The following PHF2 variants were observed in gnomAD, a reference collection of about 807,000 sequenced individuals.
PHF2 encodes lysine-specific demethylase PHF2.
In PHF2, 27 loss-of-function variants were observed where a neutral mutation model predicts 120.5. That is an observed-to-expected ratio of 0.22 (90% CI 0.17 to 0.31). The LOEUF is 0.31. PHF2 is among the 10% of genes least tolerant of loss of function. The pLI is 1.00. For missense variants in PHF2, 1,024 were observed against 1,434.8 expected (o/e 0.71, Z 4.63); for synonymous variants, 568 against 592.5 (o/e 0.96, Z 0.60).
intron 1 of PHF2, among the ~76,000 whole-genome samples, chr9:93,615,102 A>G (rs1350074621): frequency 1.4e-5 from 2 of 141,104 alleles, no homozygotes; most frequent in African/African-American, 5.4e-5. Context: ...TGATGGTAAT[A>G]AAGATGGTGA....
At chr9:93,634,865 G>A (rs560034864) in intron 2 of PHF2, among the ~76,000 whole-genome samples, 9 of 152,278 alleles carry the variant, frequency 5.9e-5, no homozygotes, top group African/African-American at 1.7e-4. Context: ...AGCACCTACC[G>A]CACCAGGTGG....
chr9:93,674,529 C>T (rs1335809939), intron 18 of PHF2, among the ~76,000 whole-genome samples: 1 of 152,190 alleles, frequency 6.6e-6, no homozygotes, highest in East Asian at 1.9e-4. Flanking sequence ...TCCCATCCTT[C>T]CCTGGTTCCC....
chr9:93,603,195 A>C (rs1312214267), intron 1 of PHF2, among the ~76,000 whole-genome samples: 1 of 152,078 alleles, frequency 6.6e-6, no homozygotes, highest in Non-Finnish European at 1.5e-5. Flanking sequence ...TGTGGACAGG[A>C]GGAACAAAGG....
rs1195976416 is a variant in PHF2, at chr9:93,615,196, A to G, written c.99-14774A>G. ...GATAGTAATGGTGATGGCGATGGTG[A>G]TGATGATGGTGATGGTGATGGTGAT... is the stretch of plus-strand genomic sequence containing the variant. On this transcript the variant is annotated intron_variant, in intron 1 of 21. Transcript: ENST00000359246. Among the ~76,000 whole-genome samples the G allele has an allele frequency of 1.8e-3, 254 of 138,804 alleles. 6 individuals are homozygous for G. The South Asian group carries it at 0.025, about 14-fold the overall frequency. The allele number at this position is 138,804 out of a possible 152,430, so 91.1% of individuals were successfully genotyped here.
rs148663364 is a variant in PHF2 at position 93,675,747 on chromosome 9, C to T, written c.2790C>T (p.Ile930=). The T allele has an allele frequency of 2.7e-5, 44 of 1,612,676 alleles. No individual in the cohort carries two copies. The highest frequency in any genetic ancestry group is 2.1e-4 in the African/African-American group (16 of 74,902). Residue 930 remains isoleucine, a synonymous_variant, in exon 20 of 22, where the codon ATC becomes ATT. Transcript: ENST00000359246. Reference sequence around the variant, plus strand: ...GTGAGGGTACACGGGTGGCTTCCATCGAGACCGGGCTGGCGGCTGCTGCAG... The same window carrying T: ...GTGAGGGTACACGGGTGGCTTCCATTGAGACCGGGCTGGCGGCTGCTGCAG... ...PVREGTRVAS[I]ETGLAAAAAK... is the part of the protein sequence containing the mutation.
intron 15 of PHF2, 36 bp from the exon 16 acceptor site, chr9:93,665,954 G>C (rs746001192): frequency 6.2e-7 from 1 of 1,612,502 alleles, no homozygotes; most frequent in Non-Finnish European, 8.5e-7. Context: ...CTCCCCGCAA[G>C]GCCTCCCGCT....
chr9:93,604,058 C>G (rs112136670), intron 1 of PHF2, among the ~76,000 whole-genome samples: 1,546 of 152,284 alleles, frequency 0.01, 35 homozygotes, highest in African/African-American at 0.036. Flanking sequence ...CTGAGTTGGG[C>G]AGAGTCCCAG....
chr9:93,604,626 G>A (rs1825506514), intron 1 of PHF2, among the ~76,000 whole-genome samples: 1 of 151,482 alleles, frequency 6.6e-6, no homozygotes, highest in Admixed American at 6.6e-5. Flanking sequence ...CACCACACCC[G>A]GCTAATTTTT....
At chr9:93,618,290 C>T (rs552620668) in intron 1 of PHF2, among the ~76,000 whole-genome samples, 4 of 152,350 alleles carry the variant, frequency 2.6e-5, no homozygotes, top group Non-Finnish European at 4.4e-5. Context: ...ACCACTGGGG[C>T]CCCCCAGGGG....
chr9:93,635,187 G>A (rs1036368940), intron 2 of PHF2, among the ~76,000 whole-genome samples: 1 of 152,242 alleles, frequency 6.6e-6, no homozygotes, highest in East Asian at 1.9e-4. Context: ...TGAACACAAT[G>A]CGAAGATTCT....
intron 12 of PHF2, among the ~76,000 whole-genome samples, chr9:93,661,395 CTGGATGAATGGGTGAATGAATGAATAGG>C (rs1826561971): frequency 6.6e-6 from 1 of 152,050 alleles, no homozygotes; most frequent in South Asian, 2.1e-4. Context: ...GGCTAAATGG[CTGGATGAATGGGTGAATGAATGAATAGG>C]TGGATGAATG....
chr9:93,664,434 G>A (rs1267390195), intron 14 of PHF2, among the ~76,000 whole-genome samples: 1 of 152,218 alleles, frequency 6.6e-6, no homozygotes, highest in Non-Finnish European at 1.5e-5. Flanking sequence ...CATGTCACCT[G>A]CTGAGGCCCC....
intron 5 of PHF2, among the ~76,000 whole-genome samples, chr9:93,649,740 T>A (rs111278642): frequency 8.6e-5 from 13 of 150,694 alleles, no homozygotes; most frequent in Admixed American, 3.3e-4. Context: ...TTCATGACAC[T>A]CTGACCCTCA....
At chr9:93,605,961 G>T (rs1825535520) in intron 1 of PHF2, among the ~76,000 whole-genome samples, 1 of 151,932 alleles carries the variant, frequency 6.6e-6, no homozygotes, top group African/African-American at 2.4e-5. Context: ...TGGTAAGAGT[G>T]TGTTTAGTTT....
chr9:93,665,903 A>G (rs1430791771), intron 15 of PHF2, 39 bp downstream of exon 15: 1 of 1,611,650 alleles, frequency 6.2e-7, no homozygotes, highest in Non-Finnish European at 8.5e-7. Flanking sequence ...GGTGTGGGAG[A>G]GGCCCATCCT....
At position 93,658,141 on chromosome 9, in the gene PHF2, C is replaced by T; in HGVS notation, c.1148-4C>T. 6.2e-7 allele frequency: 1 copy of T among 1,609,678 alleles called. No individual in the cohort carries two copies. The highest frequency in any genetic ancestry group is 1.3e-5 in the African/African-American group (1 of 74,990). ...ACCCACCTCACCCAGTGTCTCCTTCCCAGGCTCTCACAAATCTGGGAAGCA... is the reference window on the plus strand; with the variant it reads ...ACCCACCTCACCCAGTGTCTCCTTCTCAGGCTCTCACAAATCTGGGAAGCA... On this transcript the variant is annotated splice_polypyrimidine_tract_variant and splice_region_variant and intron_variant, in intron 9 of 21. Transcript: ENST00000359246.
At chr9:93,613,875 G>A (rs2989754) in intron 1 of PHF2, among the ~76,000 whole-genome samples, 104,482 of 152,078 alleles carry the variant, frequency 0.69, 36,351 homozygotes, top group South Asian at 0.77. Context: ...CACCTGGCCC[G>A]CATTGTCAGA....
rs1025892899 is a variant in PHF2 at position 93,612,225 on chromosome 9, A to G, written c.99-17745A>G. 1.6e-4 allele frequency among the ~76,000 whole-genome samples: 24 copies of G among 152,234 alleles called. 1 individual carries two copies. The highest frequency in any genetic ancestry group is 3.3e-4 in the Admixed American group (5 of 15,290). ...AGCTTGGCTCTAATCTTGCTGCTGCAGTGAATACACATGATCCACGTATCT... is the reference window on the plus strand; with the variant it reads ...AGCTTGGCTCTAATCTTGCTGCTGCGGTGAATACACATGATCCACGTATCT... On this transcript the variant is annotated intron_variant, in intron 1 of 21. Transcript: ENST00000359246.
chr9:93,581,982 T>A (rs1862939308), intron 1 of PHF2, among the ~76,000 whole-genome samples: 2 of 152,216 alleles, frequency 1.3e-5, no homozygotes, highest in Non-Finnish European at 2.9e-5. Context: ...TTGGTTTTTT[T>A]AAATAACAGA....
Sources: gnomAD v4.1 joint callset for allele counts (sites outside exome capture counted in the v4.1 genomes callset) on GRCh38, gnomAD v4.1.1 for gene constraint, MANE v1.5 for transcripts, NCBI Gene and HGNC (gene_info 2026-07-23, HGNC 2026-07-21) for gene names.